The following GAS2 variants were observed in gnomAD, a reference collection of about 807,000 sequenced individuals.
GAS2 encodes the protein growth arrest-specific protein 2.
In GAS2, 20 loss-of-function variants were observed where a neutral mutation model predicts 37.5. The ratio of observed to expected loss-of-function variants is 0.53; its 90% CI spans 0.37 to 0.77. The LOEUF is 0.77. GAS2 is among the 30% of genes least tolerant of loss of function. GAS2 has a pLI of 0.00. For synonymous variants in GAS2, 144 were observed against 132.2 expected (o/e 1.09, Z -0.61); for missense variants, 336 against 373.4 (o/e 0.90, Z 0.82).
At chr11:22,804,892 C>T (rs1856817644) in intron 7 of GAS2, among the ~76,000 whole-genome samples, 1 of 152,096 alleles carries the variant, frequency 6.6e-6, no homozygotes, top group South Asian at 2.1e-4. Context: ...CCTGATGTCA[C>T]TAATCTGTGA....
intron 2 of GAS2, among the ~76,000 whole-genome samples, chr11:22,678,071 A>C (rs1239172082): frequency 1.3e-5 from 2 of 152,182 alleles, no homozygotes; most frequent in Non-Finnish European, 2.9e-5. Flanking sequence ...TCCTAAAAGA[A>C]TCTCAAGATA....
In GAS2 at chr11:22,647,002, A is replaced by G. The variant is rs956000062; in HGVS notation, c.-21+21189A>G. Among the ~76,000 whole-genome samples, 15 of 151,364 alleles carry G rather than the reference A, an allele frequency of 9.9e-5. 1 individual carries two copies. The highest frequency in any genetic ancestry group is 1.0e-4 in the Non-Finnish European group (7 of 67,918). ...TTAGTTACATATGTATACATGTGCC[A>G]TGCTGGTGCACTGCACCCACTAACT... On this transcript the variant is annotated intron_variant, in intron 1 of 5. Coordinates refer to the GAS2 transcript ENST00000528582.
At chr11:22,654,116 T>G (rs1848829161) in intron 1 of GAS2, among the ~76,000 whole-genome samples, 2 of 152,196 alleles carry the variant, frequency 1.3e-5, no homozygotes, top group African/African-American at 4.8e-5. Flanking sequence ...ATACAGTGCT[T>G]TGTCTGATTC....
chr11:22,743,072 A>T (rs1206973483), intron 5 of GAS2, among the ~76,000 whole-genome samples: 2 of 152,106 alleles, frequency 1.3e-5, no homozygotes, highest in Non-Finnish European at 2.9e-5. Flanking sequence ...AAGTTTACAG[A>T]GTTTAAAAGG....
chr11:22,727,517 G>A (rs938573333), intron 4 of GAS2, among the ~76,000 whole-genome samples: 2 of 151,956 alleles, frequency 1.3e-5, no homozygotes, highest in Non-Finnish European at 2.9e-5. Flanking sequence ...GTTCTCAGAG[G>A]AGTTGGCGTG....
chr11:22,724,016 G>C (rs1852071630), intron 3 of GAS2, among the ~76,000 whole-genome samples: 1 of 151,532 alleles, frequency 6.6e-6, no homozygotes, highest in Admixed American at 6.6e-5. Flanking sequence ...TTCCTCAAGG[G>C]CAATTACTAT....
At chr11:22,802,348 A>G (rs1037134913) in intron 7 of GAS2, among the ~76,000 whole-genome samples, 4 of 151,956 alleles carry the variant, frequency 2.6e-5, no homozygotes, top group South Asian at 2.1e-4. Context: ...TAGGAGATAT[A>G]CCTAATGTAA....
chr11:22,794,572 A>G (rs975371132), intron 7 of GAS2, among the ~76,000 whole-genome samples: 3 of 152,212 alleles, frequency 2.0e-5, no homozygotes, highest in Non-Finnish European at 4.4e-5. Flanking sequence ...GCTCAACATC[A>G]TTAGCCATGC....
At chr11:22,787,182 A>G (rs1318060188) in intron 7 of GAS2, among the ~76,000 whole-genome samples, 1 of 152,140 alleles carries the variant, frequency 6.6e-6, no homozygotes, top group African/African-American at 2.4e-5. Context: ...AAGCTCCCAG[A>G]CTTGGAGTTT....
chr11:22,777,053 A>G (rs1430126192), intron 7 of GAS2, among the ~76,000 whole-genome samples: 1 of 152,212 alleles, frequency 6.6e-6, no homozygotes, highest in Non-Finnish European at 1.5e-5. Flanking sequence ...TGCTTTCACA[A>G]TGCATAAAAA....
At chr11:22,691,691 T>C (rs1850252360) in intron 3 of GAS2, among the ~76,000 whole-genome samples, 1 of 152,142 alleles carries the variant, frequency 6.6e-6, no homozygotes, top group Admixed American at 6.6e-5. Context: ...TAGAAAGAAA[T>C]AATTTTTTTA....
chr11:22,762,411 T>G (rs960711315), intron 7 of GAS2, among the ~76,000 whole-genome samples: 4 of 152,116 alleles, frequency 2.6e-5, no homozygotes, highest in Non-Finnish European at 5.9e-5. Context: ...AAAAATAAAG[T>G]CTTAGAGAAG....
chr11:22,789,863 G>T (rs770325545), intron 7 of GAS2, among the ~76,000 whole-genome samples: 2 of 152,184 alleles, frequency 1.3e-5, no homozygotes, highest in Non-Finnish European at 2.9e-5. Flanking sequence ...ACTTCAGAAT[G>T]CTGACCGAGT....
chr11:22,707,249 A>G (rs767562367), intron 3 of GAS2, among the ~76,000 whole-genome samples: 3 of 152,048 alleles, frequency 2.0e-5, no homozygotes, highest in Non-Finnish European at 4.4e-5. Context: ...GGGAAACATC[A>G]TTGTTTCTTA....
intron 4 of GAS2, chr11:22,731,357 A>G: frequency 2.2e-6 from 1 of 450,186 alleles, no homozygotes; most frequent in Non-Finnish European, 4.5e-6. Context: ...ACTATGCTTC[A>G]TCTATTTCTC....
intron 5 of GAS2, among the ~76,000 whole-genome samples, chr11:22,743,864 CT>C (rs1169879358): frequency 3.3e-5 from 5 of 151,844 alleles, no homozygotes; most frequent in Admixed American, 1.3e-4. Context: ...AAAGTTGGTT[CT>C]TTGAAAGGAT....
At chr11:22,777,704 G>T (rs1437791005) in intron 7 of GAS2, among the ~76,000 whole-genome samples, 1 of 152,158 alleles carries the variant, frequency 6.6e-6, no homozygotes, top group African/African-American at 2.4e-5. Flanking sequence ...GAGAATTCCA[G>T]CAGGAATAAT....
At chr11:22,642,344 A>G (rs1025630559) in intron 1 of GAS2, among the ~76,000 whole-genome samples, 1 of 152,140 alleles carries the variant, frequency 6.6e-6, no homozygotes, top group Non-Finnish European at 1.5e-5. Context: ...AAGAATGAGA[A>G]AGACTATTCT....
At chr11:22,685,447 T>C (rs779477389) in intron 2 of GAS2, among the ~76,000 whole-genome samples, 11 of 152,212 alleles carry the variant, frequency 7.2e-5, no homozygotes, top group Non-Finnish European at 1.3e-4. Context: ...AAAACTGTTA[T>C]GCAGTTAGCA....
Sources: allele counts gnomAD v4.1 joint callset (sites outside exome capture counted in the v4.1 genomes callset), GRCh38; gene constraint gnomAD v4.1.1; transcripts MANE v1.5; gene names NCBI Gene and HGNC (gene_info 2026-07-23, HGNC 2026-07-21).